Variants in NSFL1C observed in about 807,000 individuals in gnomAD.
NSFL1C encodes NSFL1 cofactor p47.
A neutral mutation model predicts 43.1 loss-of-function variants in NSFL1C; 14 were observed. That is an observed-to-expected ratio of 0.32 (90% confidence interval 0.21 to 0.51). The LOEUF (loss-of-function observed/expected upper bound fraction) is 0.51, where lower values mean the gene tolerates loss of function less well. NSFL1C is among the 20% of genes least tolerant of loss of function. The pLI, the probability that NSFL1C is intolerant of heterozygous loss-of-function variation, is 0.98. For missense variants in NSFL1C, 406 were observed against 472.5 expected, an observed-to-expected ratio of 0.86 and a Z score of 1.30; for synonymous variants, 171 against 183.5, an observed-to-expected ratio of 0.93 and a Z score of 0.55.
chr20:1,447,194 A>C (rs1350943055), intron 7 of NSFL1C, among the ~76,000 whole-genome samples: 1 of 152,222 alleles, frequency 6.6e-6, no homozygotes. Flanking sequence ...CATCAGCCTC[A>C]AAGCATGTGG....
chr20:1,461,459 T>A (rs891315133), intron 2 of NSFL1C, among the ~76,000 whole-genome samples: 1 of 152,118 alleles, frequency 6.6e-6, no homozygotes, highest in Non-Finnish European at 1.5e-5. Flanking sequence ...CCTGATCAGG[T>A]GAGAGGCTCA....
Position 1,442,735 on chromosome 20 carries a change from C to T in NSFL1C, c.*1014G>A, listed in dbSNP as rs1256601068. ...TGCTAAGCAAAGCCAAGTAGTGACA[C>T]TCACTTCCAAAACATACCCAGCAGA... On this transcript the variant is annotated 3_prime_UTR_variant, in exon 9 of 9. Transcript: ENST00000216879. The T allele has an allele frequency of 6.6e-6, 1 of 152,184 alleles. No individual in the cohort carries two copies. Among genetic ancestry groups the T allele is most frequent in the Non-Finnish European group, 1.5e-5 (1 of 68,036 alleles). The allele number at this position is 152,184 out of a possible 1,614,324, so 9.4% of individuals were successfully genotyped here.
intron 2 of NSFL1C, among the ~76,000 whole-genome samples, chr20:1,459,792 G>A (rs2090374085): frequency 6.6e-6 from 1 of 152,154 alleles, no homozygotes; most frequent in South Asian, 2.1e-4. Flanking sequence ...TACCCTGAGA[G>A]TACTAGTTCC....
At chr20:1,456,756 T>G (rs1202744076) in intron 3 of NSFL1C, 1 of 152,198 alleles carries the variant, frequency 6.6e-6, no homozygotes, top group African/African-American at 2.4e-5. Flanking sequence ...ATTTCCATTT[T>G]TAAAAACTAT....
chr20:1,458,302 T>G, intron 2 of NSFL1C, 28 bp from the exon 3 acceptor site: 4 of 1,586,542 alleles, frequency 2.5e-6, no homozygotes, highest in Non-Finnish European at 3.5e-6. Flanking sequence ...AGCAAAATGA[T>G]CTCAGGGAGC....
At chr20:1,444,885 T>C (rs146288279) in intron 8 of NSFL1C, among the ~76,000 whole-genome samples, 109 of 152,320 alleles carry the variant, frequency 7.2e-4, no homozygotes, top group African/African-American at 2.6e-3. Context: ...AGGCTCTAGA[T>C]GCACCTGGCT....
At chr20:1,462,229 T>A (rs887170132) in intron 2 of NSFL1C, among the ~76,000 whole-genome samples, 14 of 152,134 alleles carry the variant, frequency 9.2e-5, no homozygotes, top group African/African-American at 3.1e-4. Context: ...AACTGCCAGG[T>A]CAAAGCAGAG....
chr20:1,452,394 C>T (rs536930723), intron 7 of NSFL1C, 99 bp downstream of exon 7: 5 of 1,441,094 alleles, frequency 3.5e-6, no homozygotes, highest in Non-Finnish European at 4.7e-6. Context: ...ATTTTGTAAA[C>T]AGTAAAGAGC....
At chr20:1,444,282 G>A (rs2090010887) in intron 8 of NSFL1C, among the ~76,000 whole-genome samples, 1 of 152,112 alleles carries the variant, frequency 6.6e-6, no homozygotes, top group South Asian at 2.1e-4. Context: ...CACAACTCAG[G>A]CCTCGGATCC....
At chr20:1,452,462 G>C in intron 7 of NSFL1C, 31 bp downstream of exon 7, 1 of 1,609,986 alleles carries the variant, frequency 6.2e-7, no homozygotes, top group Non-Finnish European at 8.5e-7. Flanking sequence ...GTGATTGACA[G>C]AGTCTGGCTC....
At position 1,443,675 on chromosome 20, in the gene NSFL1C, A is replaced by G; in HGVS notation, c.*74T>C. 6.5e-7 allele frequency: 1 copy of G among 1,527,056 alleles called. No individual in the cohort carries two copies. Among genetic ancestry groups the G allele is most frequent in the Admixed American group, 1.7e-5 (1 of 58,870 alleles). The allele number at this position is 1,527,056 out of a possible 1,614,324, so 94.6% of individuals were successfully genotyped here. The stretch of plus-strand genomic sequence containing the variant: ...TGCTGGGTGTGCACAAGGGGGCAGG[A>G]GGGGCGATCCCCATGGGGCATGGCC... On this transcript the variant is annotated 3_prime_UTR_variant, in exon 9 of 9. Coordinates refer to ENST00000216879, the MANE Select transcript of NSFL1C (RefSeq NM_016143.5).
In NSFL1C at chr20:1,458,237, C is replaced by A; in HGVS notation, c.241G>T (p.Asp81Tyr). ...TCTTCCTCCTCATCTTCATCTTGGT[C>A]ATGAATGAGGTCTCTGAAGGATGTC... ...RVTSFRDLIHDQDEDEEEEEG... is the reference protein window; with the variant it reads ...RVTSFRDLIHYQDEDEEEEEG... The change falls in exon 3 of 9, where the codon GAC (aspartate) becomes TAC (tyrosine). Residue 81 changes from aspartate to tyrosine, a missense_variant. Asp to Tyr is a radical substitution (Grantham distance 160). Transcript: ENST00000216879. The A allele has an allele frequency of 6.2e-7, 1 of 1,613,846 alleles. No individual in the cohort carries two copies. Among genetic ancestry groups the A allele is most frequent in the South Asian group, 1.1e-5 (1 of 91,064 alleles).
At chr20:1,465,217 G>A (rs1251157625) in intron 1 of NSFL1C, among the ~76,000 whole-genome samples, 1 of 152,212 alleles carries the variant, frequency 6.6e-6, no homozygotes, top group Non-Finnish European at 1.5e-5. Context: ...AAGCATTGAG[G>A]TCACAGAGAT....
chr20:1,463,969 C>T (rs1036142477), intron 2 of NSFL1C: 9 of 222,434 alleles, frequency 4.0e-5, no homozygotes, highest in Admixed American at 5.6e-5. Flanking sequence ...ATCAAAACAG[C>T]TTTCCTAAGT....
chr20:1,446,743 C>T (rs2090067911), intron 7 of NSFL1C, among the ~76,000 whole-genome samples: 1 of 152,194 alleles, frequency 6.6e-6, no homozygotes, highest in Admixed American at 6.5e-5. Context: ...AACCACCTGT[C>T]CACTTCACTC....
intron 7 of NSFL1C, among the ~76,000 whole-genome samples, chr20:1,450,053 T>G (rs2090153426): frequency 6.6e-6 from 1 of 152,240 alleles, no homozygotes; most frequent in South Asian, 2.1e-4. Flanking sequence ...TTAATACAAC[T>G]GAATTTTCTC....
At position 1,460,633 on chromosome 20, in the gene NSFL1C, C is replaced by T. The variant is rs148220384; in HGVS notation, c.204-2359G>A. Among the ~76,000 whole-genome samples, 469 of 152,286 alleles carry T rather than the reference C, an allele frequency of 3.1e-3. 2 individuals are homozygous for T. The highest frequency in any genetic ancestry group is 0.011 in the African/African-American group (459 of 41,558). On this transcript the variant is annotated intron_variant, in intron 2 of 8. Transcript: ENST00000216879. The stretch of plus-strand genomic sequence containing the variant: ...CAGATGACATTTTCTGCTTTTAATC[C>T]GGTTACCCTAGCTCTGCCTCTCTGT...
At position 1,445,748 on chromosome 20, in the gene NSFL1C, C is replaced by T. The variant is rs9575; in HGVS notation, c.868G>A (p.Asp290Asn). The T allele has an allele frequency of 0.42, 682,528 of 1,613,564 alleles. 149,196 individuals are homozygous for T. The highest frequency in any genetic ancestry group is 0.74 in the East Asian group (33,259 of 44,850). Reference protein sequence around the residue: ...EAKASSSILIDESEPTTNIQI... With the variant: ...EAKASSSILINESEPTTNIQI... The stretch of plus-strand genomic sequence containing the variant: ...ATGTTTGTGGTAGGCTCTGATTCGT[C>T]GATTAAGATGGAAGAGCTGGCTTTG... Residue 290 changes from aspartate (D) to asparagine (N), a missense_variant, in exon 8 of 9, where the codon GAC (aspartate) becomes AAC (asparagine). Physicochemically the swap from Asp to Asn is conservative, Grantham distance 23. Transcript: ENST00000216879.
At chr20:1,452,325 C>T (rs963459587) in intron 7 of NSFL1C, among the ~76,000 whole-genome samples, 168 bp downstream of exon 7, 4 of 152,156 alleles carry the variant, frequency 2.6e-5, no homozygotes, top group Non-Finnish European at 5.9e-5. Context: ...AAACTCAGGT[C>T]TGTTAACTCC....
Sources: allele counts gnomAD v4.1 joint callset (sites outside exome capture counted in the v4.1 genomes callset), GRCh38; gene constraint gnomAD v4.1.1; transcripts MANE v1.5; gene names NCBI Gene and HGNC (gene_info 2026-07-23, HGNC 2026-07-21).